TBC1D12: variants seen among roughly 807,000 people sequenced by gnomAD.
The protein encoded by TBC1D12 is TBC1 domain family, member 12.
A neutral mutation model predicts 86.7 loss-of-function variants in TBC1D12; 56 were observed. The ratio of observed to expected loss-of-function variants is 0.65; its 90% CI spans 0.52 to 0.81. The LOEUF (loss-of-function observed/expected upper bound fraction) is 0.81, where lower values mean the gene tolerates loss of function less well. Ranked by LOEUF, TBC1D12 falls within the 30% of genes least tolerant of loss-of-function variation. TBC1D12 has a pLI of 0.00. For missense variants in TBC1D12, 1,023 were observed against 1,038.8 expected (o/e 0.98, Z 0.21); for synonymous variants, 421 against 411.7 (o/e 1.02, Z -0.27).
At chr10:94,458,640 C>T (rs2055666475) in intron 2 of TBC1D12, among the ~76,000 whole-genome samples, 1 of 152,102 alleles carries the variant, frequency 6.6e-6, no homozygotes, top group Non-Finnish European at 1.5e-5. Context: ...GAATTTGCTC[C>T]TTCTGATGTT....
chr10:94,421,728 GGT>G (rs2055076718), intron 1 of TBC1D12, among the ~76,000 whole-genome samples: 1 of 152,062 alleles, frequency 6.6e-6, no homozygotes, highest in Admixed American at 6.6e-5. Flanking sequence ...CATCCTAATG[GGT>G]TTGTAATAGT....
intron 1 of TBC1D12, among the ~76,000 whole-genome samples, chr10:94,427,047 G>A (rs2055156252): frequency 6.6e-6 from 1 of 152,044 alleles, no homozygotes; most frequent in Non-Finnish European, 1.5e-5. Context: ...AAGAAACCCT[G>A]TACCTATTAT....
At chr10:94,505,473 A>C (rs2056448246) in intron 6 of TBC1D12, among the ~76,000 whole-genome samples, 1 of 152,122 alleles carries the variant, frequency 6.6e-6, no homozygotes, top group Non-Finnish European at 1.5e-5. Flanking sequence ...CCAGCTACTC[A>C]GAAGGCTGAG....
chr10:94,437,929 A>G (rs1325660921), intron 1 of TBC1D12, among the ~76,000 whole-genome samples: 1 of 82,918 alleles, frequency 1.2e-5, no homozygotes, highest in African/African-American at 4.9e-5. Context: ...TTCCCCCTTT[A>G]TCCTCCTTTA....
intron 9 of TBC1D12, among the ~76,000 whole-genome samples, chr10:94,513,457 A>G (rs1303431918): frequency 2.6e-5 from 4 of 152,230 alleles, no homozygotes; most frequent in African/African-American, 4.8e-5. Context: ...ATACTGTAAT[A>G]AATTTACATA....
intron 1 of TBC1D12, among the ~76,000 whole-genome samples, chr10:94,419,330 A>G (rs1338767998): frequency 1.3e-5 from 2 of 152,112 alleles, no homozygotes; most frequent in Non-Finnish European, 2.9e-5. Context: ...ACTAAATAAC[A>G]TTTGTTTATC....
At chr10:94,477,981 G>A (rs2056017644) in intron 3 of TBC1D12, among the ~76,000 whole-genome samples, 2 of 152,166 alleles carry the variant, frequency 1.3e-5, no homozygotes, top group African/African-American at 4.8e-5. Flanking sequence ...GCCATGACTT[G>A]TAGAAAAGAA....
At chr10:94,502,592 G>A (rs1166328663) in intron 6 of TBC1D12, among the ~76,000 whole-genome samples, 2 of 151,858 alleles carry the variant, frequency 1.3e-5, no homozygotes, top group Non-Finnish European at 2.9e-5. Context: ...CACACCACTC[G>A]AGAGGGTGAG....
At chr10:94,414,411 T>C (rs917208873) in intron 1 of TBC1D12, among the ~76,000 whole-genome samples, 15 of 152,194 alleles carry the variant, frequency 9.9e-5, no homozygotes, top group African/African-American at 3.1e-4. Context: ...AGTTAGTTCT[T>C]AGGCCTGTTG....
intron 1 of TBC1D12, among the ~76,000 whole-genome samples, chr10:94,411,438 A>G (rs2054925934): frequency 1.3e-5 from 2 of 152,176 alleles, no homozygotes; most frequent in Admixed American, 1.3e-4. Flanking sequence ...ATCACCTGAA[A>G]GCACCCAGAT....
chr10:94,449,065 A>G (rs2055512155), intron 2 of TBC1D12, among the ~76,000 whole-genome samples: 1 of 152,326 alleles, frequency 6.6e-6, no homozygotes, highest in African/African-American at 2.4e-5. Flanking sequence ...TTATTAAAGA[A>G]AATTAAAAGA....
intron 3 of TBC1D12, among the ~76,000 whole-genome samples, chr10:94,489,451 A>G (rs1347831493): frequency 6.6e-6 from 1 of 152,138 alleles, no homozygotes; most frequent in Non-Finnish European, 1.5e-5. Context: ...TCTTTCAGCG[A>G]TATGAAGTTA....
intron 4 of TBC1D12, among the ~76,000 whole-genome samples, chr10:94,493,941 A>G (rs2056281205): frequency 6.6e-6 from 1 of 152,036 alleles, no homozygotes; most frequent in Admixed American, 6.5e-5. Context: ...ATAATAATTC[A>G]TGAATCTATT....
At chr10:94,426,357 C>G (rs2055146692) in intron 1 of TBC1D12, among the ~76,000 whole-genome samples, 1 of 151,880 alleles carries the variant, frequency 6.6e-6, no homozygotes, top group Non-Finnish European at 1.5e-5. Flanking sequence ...AATGAACTTC[C>G]CTTTTATTCA....
rs58369511 is a variant in TBC1D12 at position 94,451,638 on chromosome 10, A to G, written c.1095+9619A>G. Among the ~76,000 whole-genome samples the G allele has an allele frequency of 4.8e-3, 731 of 152,238 alleles. 6 individuals are homozygous for G. Among genetic ancestry groups the G allele is most frequent in the African/African-American group, 0.017 (702 of 41,566 alleles). On this transcript the variant is annotated intron_variant, in intron 2 of 12. Transcript: ENST00000225235. Reference sequence around the variant, plus strand: ...AGTAAAGCTGTTTCATATGTCTGGAAATTCCAGCATCTGGAACTCCTATAG... The same window carrying G: ...AGTAAAGCTGTTTCATATGTCTGGAGATTCCAGCATCTGGAACTCCTATAG...
Position 94,510,080 on chromosome 10 carries a change from G to A in TBC1D12, c.1601-11G>A, listed in dbSNP as rs1402397389. ...GTGATCATTTAAATTGTATCTGCTT[G>A]GTAAATGCAGGTGTATCTGTTGCTG... On this transcript the variant is annotated splice_polypyrimidine_tract_variant and intron_variant, in intron 7 of 12. Transcript: ENST00000225235. The A allele has an allele frequency of 6.3e-7, 1 of 1,596,098 alleles. No homozygotes were observed. The highest frequency in any genetic ancestry group is 8.5e-7 in the Non-Finnish European group (1 of 1,170,160).
chr10:94,427,653 G>A lies in TBC1D12; in HGVS notation c.972-14243G>A, dbSNP rs910925935. Among the ~76,000 whole-genome samples the A allele has an allele frequency of 9.2e-5, 14 of 152,006 alleles. No individual in the cohort carries two copies. In the Middle Eastern group the frequency reaches 0.01, roughly 111 times the overall value. ...TTGAGACTAGCCTGGCCAACATGGC[G>A]AAACCCTGTCTCCAATAAAAATACA... On this transcript the variant is annotated intron_variant, in intron 1 of 12. Coordinates refer to ENST00000225235, the MANE Select transcript of TBC1D12 (RefSeq NM_015188.2).
At chr10:94,526,480 C>G (rs755674604) in intron 11 of TBC1D12, among the ~76,000 whole-genome samples, 12 of 151,432 alleles carry the variant, frequency 7.9e-5, no homozygotes, top group Non-Finnish European at 1.5e-4. Context: ...CATTTTTTAG[C>G]TTCTGCATAT....
chr10:94,467,866 C>T (rs2055847988), intron 2 of TBC1D12, among the ~76,000 whole-genome samples: 1 of 152,188 alleles, frequency 6.6e-6, no homozygotes, highest in Admixed American at 6.5e-5. Context: ...GACAATGTCT[C>T]ACTATATTGT....
Sources: allele counts gnomAD v4.1 joint callset (sites outside exome capture counted in the v4.1 genomes callset), GRCh38; gene constraint gnomAD v4.1.1; transcripts MANE v1.5; gene names NCBI Gene and HGNC (gene_info 2026-07-23, HGNC 2026-07-21).